The following SEC24B variants were observed in gnomAD, a reference collection of about 807,000 sequenced individuals.
SEC24B encodes the protein protein transport protein Sec24B.
Under a neutral mutation model 142.8 loss-of-function variants are expected in SEC24B, and 45 were observed. That is an observed-to-expected ratio of 0.32 (90% CI 0.25 to 0.40). The LOEUF is 0.40. Among genes scored for constraint, SEC24B ranks in the 10% least tolerant of loss-of-function variants. SEC24B has a pLI of 1.00. For missense variants in SEC24B, 1,409 were observed against 1,526.8 expected, an observed-to-expected ratio of 0.92 and a Z score of 1.29; for synonymous variants, 574 against 568.2, an observed-to-expected ratio of 1.01 and a Z score of -0.15.
At chr4:109,503,254 C>T (rs1736349189) in intron 6 of SEC24B, among the ~76,000 whole-genome samples, 1 of 145,618 alleles carries the variant, frequency 6.9e-6, no homozygotes, top group South Asian at 2.2e-4. Flanking sequence ...GTTAGAGTTT[C>T]ACTCTTGTTG....
intron 1 of SEC24B, among the ~76,000 whole-genome samples, chr4:109,458,878 G>A (rs935660873): frequency 2.0e-5 from 3 of 151,140 alleles, no homozygotes; most frequent in Admixed American, 6.6e-5. Context: ...GATAAGAAAA[G>A]TACTTCTGAA....
In SEC24B at chr4:109,539,743, G is replaced by A. The variant is rs891172231; in HGVS notation, c.*68G>A. On this transcript the variant is annotated 3_prime_UTR_variant, in exon 24 of 24. Transcript: ENST00000265175. ...AAAGCATAATCTGTCAGAGAAGCGC[G>A]TGAGAAATTTGAAATGAAGGCATTT... The A allele has an allele frequency of 3.9e-5, 41 of 1,044,424 alleles. 1 individual carries two copies. Among genetic ancestry groups the A allele is most frequent in the Middle Eastern group, 3.0e-4 (1 of 3,376 alleles). 64.7% of individuals were successfully genotyped at this position (1,044,424 alleles called of 1,614,324 possible). A position where few individuals can be genotyped will look rare whatever the true frequency, so the allele number is the denominator to read the frequency against.
At chr4:109,469,909 A>G (rs1050554769) in intron 2 of SEC24B, among the ~76,000 whole-genome samples, 2 of 152,262 alleles carry the variant, frequency 1.3e-5, no homozygotes, top group African/African-American at 4.8e-5. Context: ...CCCAGAATAT[A>G]CAAGTGCTGC....
intron 1 of SEC24B, chr4:109,450,749 T>A (rs1561068796): frequency 6.7e-6 from 1 of 148,396 alleles, no homozygotes; most frequent in Non-Finnish European, 1.5e-5. Context: ...ACTGTGCAAT[T>A]CTTTTTTTTT....
At chr4:109,506,660 G>T in intron 7 of SEC24B, 148 bp downstream of exon 7, 1 of 534,148 alleles carries the variant, frequency 1.9e-6, no homozygotes, top group Non-Finnish European at 3.0e-6. Flanking sequence ...TGTAAAATTT[G>T]ACTTAGGTCA....
intron 1 of SEC24B, among the ~76,000 whole-genome samples, chr4:109,438,726 A>G (rs1252182420): frequency 6.6e-6 from 1 of 152,248 alleles, no homozygotes; most frequent in African/African-American, 2.4e-5. Context: ...TGTAACTGCT[A>G]GCATGTTTCC....
Position 109,505,469 on chromosome 4 carries a change from G to A in SEC24B, c.1489-859G>A, listed in dbSNP as rs559810502. On this transcript the variant is annotated intron_variant, in intron 6 of 23. Transcript: ENST00000265175. ...TGTAGCAAAAGAGAACAGAGATACC[G>A]GTATAAAATCAAAGAACTTAAGTAA... is the stretch of plus-strand genomic sequence containing the variant. 1.1e-4 allele frequency among the ~76,000 whole-genome samples: 16 copies of A among 152,004 alleles called. No individual in the cohort carries two copies. In the East Asian group the frequency reaches 1.4e-3, roughly 13 times the overall value.
chr4:109,524,585 A>G (rs1017860472), intron 14 of SEC24B, among the ~76,000 whole-genome samples: 3 of 152,172 alleles, frequency 2.0e-5, no homozygotes, highest in Non-Finnish European at 4.4e-5. Context: ...GATAAAAACC[A>G]TATGAGATGT....
intron 1 of SEC24B, among the ~76,000 whole-genome samples, chr4:109,462,202 G>A (rs183271515): frequency 4.6e-5 from 7 of 152,258 alleles, no homozygotes; most frequent in East Asian, 1.9e-4. Context: ...GGGTCAGAGC[G>A]AGACCCTGTC....
At chr4:109,440,543 C>T (rs571534951) in intron 1 of SEC24B, among the ~76,000 whole-genome samples, 4 of 152,294 alleles carry the variant, frequency 2.6e-5, no homozygotes, top group African/African-American at 9.6e-5. Flanking sequence ...AGGTTGTAGG[C>T]TTTGATATAG....
rs28637467 is a variant in SEC24B, at chr4:109,520,156, T to C, written c.2127-210T>C. On this transcript the variant is annotated intron_variant, in intron 11 of 23. Transcript: ENST00000265175. ...GCCCTTAAAATGCTTAAGCAAGATA[T>C]ACTATTGTTCTAATATTGGAACTGG... Among the ~76,000 whole-genome samples the C allele has an allele frequency of 1.1e-3, 168 of 152,354 alleles. 3 individuals carry two copies. The highest frequency in any genetic ancestry group is 3.7e-3 in the African/African-American group (155 of 41,580).
intron 8 of SEC24B, among the ~76,000 whole-genome samples, chr4:109,510,508 C>T (rs1210991684): frequency 6.6e-6 from 1 of 152,080 alleles, no homozygotes; most frequent in Non-Finnish European, 1.5e-5. Flanking sequence ...GAAGTCTGTC[C>T]TGGATTTTGA....
chr4:109,496,669 G>GA (rs1467885506), intron 6 of SEC24B, among the ~76,000 whole-genome samples: 1 of 152,084 alleles, frequency 6.6e-6, no homozygotes, highest in Non-Finnish European at 1.5e-5. Context: ...AAAGAAAAAG[G>GA]AAAATTATTT....
chr4:109,510,716 TAA>T (rs1488656798), intron 8 of SEC24B, among the ~76,000 whole-genome samples: 1 of 152,236 alleles, frequency 6.6e-6, no homozygotes, highest in Non-Finnish European at 1.5e-5. Context: ...TGTAAAGTTT[TAA>T]AAGTTTTAAA....
rs374806370 is a variant in SEC24B, at chr4:109,450,648, A to G, written c.134-12253A>G. The G allele has an allele frequency of 5.8e-5, 8 of 138,894 alleles. No homozygotes were observed. In the East Asian group the frequency reaches 1.4e-3, roughly 25 times the overall value. The allele number at this position is 138,894 out of a possible 1,614,324, so 8.6% of individuals were successfully genotyped here. A position where few individuals can be genotyped will look rare whatever the true frequency, so the allele number is the denominator to read the frequency against. On this transcript the variant is annotated intron_variant, in intron 1 of 23. Coordinates refer to ENST00000265175, the MANE Select transcript of SEC24B (RefSeq NM_006323.5). ...ACTCCAACCTGGGTGACAGAGTGAG[A>G]CTCATCTCAAAAAAAAAAAAAAAAA... is the stretch of plus-strand genomic sequence containing the variant.
At chr4:109,447,912 G>A (rs999682596) in intron 1 of SEC24B, among the ~76,000 whole-genome samples, 8 of 152,172 alleles carry the variant, frequency 5.3e-5, no homozygotes, top group African/African-American at 1.7e-4. Context: ...TTAATTTCTT[G>A]CCTTTGTCAG....
At chr4:109,436,559 C>G (rs184024103) in intron 1 of SEC24B, among the ~76,000 whole-genome samples, 3 of 152,288 alleles carry the variant, frequency 2.0e-5, no homozygotes, top group Admixed American at 2.0e-4. Context: ...TCCTAAAACC[C>G]TTGTAATTTC....
At chr4:109,485,223 G>A (rs1363124999) in intron 4 of SEC24B, among the ~76,000 whole-genome samples, 1 of 152,236 alleles carries the variant, frequency 6.6e-6, no homozygotes, top group Non-Finnish European at 1.5e-5. Flanking sequence ...CCAGCATTGA[G>A]ATTGTGTTAT....
intron 2 of SEC24B, among the ~76,000 whole-genome samples, chr4:109,467,263 T>C: frequency 6.7e-6 from 1 of 148,902 alleles, no homozygotes; most frequent in East Asian, 2.0e-4. Context: ...GAGGCGGAGC[T>C]TGCAGTGAGC....
Sources: allele counts gnomAD v4.1 joint callset (sites outside exome capture counted in the v4.1 genomes callset), GRCh38; gene constraint gnomAD v4.1.1; transcripts MANE v1.5; gene names NCBI Gene and HGNC (gene_info 2026-07-23, HGNC 2026-07-21).